Variants in ABI3BP observed in about 807,000 individuals in gnomAD.
ABI3BP encodes ABI family member 3 binding protein, also known as target of Nesh-SH3.
ABI3BP carries 216 observed loss-of-function variants against 268.6 expected under a neutral mutation model. The observed-to-expected ratio is 0.80, with a 90% CI of 0.72 to 0.90. The LOEUF (loss-of-function observed/expected upper bound fraction) is 0.90, where lower values mean the gene tolerates loss of function less well. Ranked by LOEUF, ABI3BP falls within the 40% of genes least tolerant of loss-of-function variation. The pLI is 0.00. For synonymous variants in ABI3BP, 730 were observed against 730.0 expected (o/e 1.00, Z 0.00); for missense variants, 2,090 against 2,182.4 (o/e 0.96, Z 0.84).
chr3:100,870,414 A>T (rs1056660202), intron 9 of ABI3BP, among the ~76,000 whole-genome samples: 3 of 151,876 alleles, frequency 2.0e-5, no homozygotes, highest in Non-Finnish European at 2.9e-5. Flanking sequence ...AAGAAGACAT[A>T]AAAATGGCTA....
At chr3:100,869,771 C>A (rs1473689701) in intron 9 of ABI3BP, among the ~76,000 whole-genome samples, 2 of 152,174 alleles carry the variant, frequency 1.3e-5, no homozygotes, top group Non-Finnish European at 2.9e-5. Context: ...ACTATCTATG[C>A]ACAACTGCAA....
intron 19 of ABI3BP, 159 bp from the exon 20 acceptor site, chr3:100,846,605 T>C: frequency 3.8e-6 from 2 of 530,278 alleles, no homozygotes; most frequent in Non-Finnish European, 6.6e-6. Flanking sequence ...GAATATTTCA[T>C]GATCCATTCA....
intron 4 of ABI3BP, 27 bp downstream of exon 4, chr3:100,898,735 G>C (rs1203123414): frequency 1.9e-6 from 3 of 1,604,658 alleles, no homozygotes; most frequent in South Asian, 2.2e-5. Flanking sequence ...ATGTACAGAT[G>C]CTATTAAAAG....
At chr3:100,874,068 G>A (rs756216964) in intron 9 of ABI3BP, among the ~76,000 whole-genome samples, 1 of 152,106 alleles carries the variant, frequency 6.6e-6, no homozygotes. Flanking sequence ...ACATTGGAGG[G>A]GTAGTTCTCA....
chr3:100,828,342 C>A, intron 34 of ABI3BP, 51 bp downstream of exon 34: 1 of 1,470,280 alleles, frequency 6.8e-7, no homozygotes, highest in Non-Finnish European at 9.2e-7. Context: ...GTGGAATAAG[C>A]TTGACAGTGA....
intron 1 of ABI3BP, among the ~76,000 whole-genome samples, chr3:100,933,042 A>C (rs932954454): frequency 7.2e-5 from 11 of 152,004 alleles, no homozygotes; most frequent in African/African-American, 2.4e-4. Flanking sequence ...CATTCTCCAG[A>C]ATATTTCAGA....
chr3:100,955,198 G>C (rs1353621890), intron 1 of ABI3BP, among the ~76,000 whole-genome samples: 1 of 152,088 alleles, frequency 6.6e-6, no homozygotes. Flanking sequence ...CTCAGTAAAA[G>C]AACAGACTGG....
chr3:100,949,358 C>T (rs1584591674), intron 1 of ABI3BP, among the ~76,000 whole-genome samples: 1 of 152,290 alleles, frequency 6.6e-6, no homozygotes, highest in East Asian at 1.9e-4. Context: ...CAGGCTCAAG[C>T]AATTCTCGTG....
intron 49 of ABI3BP, among the ~76,000 whole-genome samples, chr3:100,808,515 AAATTCAT>A (rs2097771815): frequency 6.6e-6 from 1 of 152,106 alleles, no homozygotes; most frequent in African/African-American, 2.4e-5. Flanking sequence ...GTTTGAAAAT[AAATTCAT>A]AATTACAAGA....
At chr3:100,896,503 A>C (rs931049095) in intron 4 of ABI3BP, among the ~76,000 whole-genome samples, 2 of 152,242 alleles carry the variant, frequency 1.3e-5, no homozygotes, top group Non-Finnish European at 2.9e-5. Context: ...CAAGTTTGCC[A>C]GGTTACTAAA....
At position 100,804,763 on chromosome 3, in the gene ABI3BP, TTGGCTTAAACA is replaced by T; in HGVS notation, c.3757+18_3757+28del. The T allele has an allele frequency of 3.1e-6, 5 of 1,593,350 alleles. No individual in the cohort carries two copies. Among genetic ancestry groups the T allele is most frequent in the Non-Finnish European group, 4.3e-6 (5 of 1,161,508 alleles). ...AGCAGAGTGGGACAGTAGAATGCAT[TTGGCTTAAACA>T]TGAAATAAAGCATTTACCAGGTGTG... On this transcript the variant is annotated intron_variant, in intron 51 of 67. Coordinates refer to ENST00000471714, the MANE Select transcript of ABI3BP (RefSeq NM_001375547.2).
At chr3:100,755,238 T>C (rs1403492469) in intron 63 of ABI3BP, among the ~76,000 whole-genome samples, 1 of 152,184 alleles carries the variant, frequency 6.6e-6, no homozygotes, top group Non-Finnish European at 1.5e-5. Context: ...TTTGAGGAGA[T>C]TCAGGTAAGA....
At chr3:100,808,865 C>A (rs1376928007) in intron 49 of ABI3BP, among the ~76,000 whole-genome samples, 2 of 151,968 alleles carry the variant, frequency 1.3e-5, no homozygotes, top group African/African-American at 2.4e-5. Context: ...ATTGAAAAAT[C>A]TATCCTGCTG....
At chr3:100,872,782 T>C (rs574019551) in intron 9 of ABI3BP, among the ~76,000 whole-genome samples, 1 of 152,282 alleles carries the variant, frequency 6.6e-6, no homozygotes, top group Admixed American at 6.5e-5. Context: ...AACAGGGTTT[T>C]ATAGTTAAAG....
chr3:100,789,606 C>A, intron 55 of ABI3BP, 90 bp from the exon 56 acceptor site: 1 of 1,233,172 alleles, frequency 8.1e-7, no homozygotes, highest in South Asian at 1.4e-5. Flanking sequence ...ACAACTCATA[C>A]ACTTTGCATG....
At chr3:100,813,361 A>G (rs1311332254) in intron 45 of ABI3BP, among the ~76,000 whole-genome samples, 2 of 152,310 alleles carry the variant, frequency 1.3e-5, no homozygotes, top group African/African-American at 4.8e-5. Flanking sequence ...CTGTTGAAAA[A>G]ATAAGGATAA....
chr3:100,820,789 A>G (rs1227281152), intron 39 of ABI3BP, among the ~76,000 whole-genome samples: 1 of 152,236 alleles, frequency 6.6e-6, no homozygotes, highest in African/African-American at 2.4e-5. Flanking sequence ...AAAATTGGTT[A>G]AAAAACACAC....
At chr3:100,898,583 G>A (rs1172507587) in intron 4 of ABI3BP, among the ~76,000 whole-genome samples, 179 bp downstream of exon 4, 1 of 152,172 alleles carries the variant, frequency 6.6e-6, no homozygotes. Flanking sequence ...AAAATTACAT[G>A]TATGTGTTTT....
intron 2 of ABI3BP, among the ~76,000 whole-genome samples, chr3:100,919,343 T>C (rs990900430): frequency 2.6e-5 from 4 of 152,152 alleles, no homozygotes; most frequent in African/African-American, 4.8e-5. Flanking sequence ...TTCATAAAAA[T>C]AGAGCATTAT....
Sources: allele counts gnomAD v4.1 joint callset (sites outside exome capture counted in the v4.1 genomes callset), GRCh38; gene constraint gnomAD v4.1.1; transcripts MANE v1.5; gene names NCBI Gene and HGNC (gene_info 2026-07-23, HGNC 2026-07-21).